Variants in ENAH observed in about 807,000 individuals in gnomAD.
ENAH encodes the protein ENAH actin regulator.
In ENAH, 23 loss-of-function variants were observed where a neutral mutation model predicts 78.7. The observed-to-expected ratio is 0.29, with a 90% CI of 0.21 to 0.41. The LOEUF is 0.41. Among genes scored for constraint, ENAH ranks in the 10% least tolerant of loss-of-function variants. The pLI, the probability that ENAH is intolerant of heterozygous loss-of-function variation, is 1.00. For missense variants in ENAH, 544 were observed against 691.0 expected (o/e 0.79, Z 2.39); for synonymous variants, 226 against 241.0 (o/e 0.94, Z 0.58).
chr1:225,614,038 A>G (rs986318612), intron 1 of ENAH, among the ~76,000 whole-genome samples: 18 of 151,568 alleles, frequency 1.2e-4, no homozygotes, highest in African/African-American at 3.6e-4. Context: ...CACTTTACTT[A>G]TGTTTACCCA....
chr1:225,633,241 G>A (rs1034501752), intron 1 of ENAH, among the ~76,000 whole-genome samples: 2 of 150,514 alleles, frequency 1.3e-5, no homozygotes, highest in Admixed American at 6.6e-5. Context: ...TATTAGAGAC[G>A]GGGTTTCACC....
At chr1:225,596,415 C>T (rs963007312) in intron 1 of ENAH, among the ~76,000 whole-genome samples, 4 of 152,160 alleles carry the variant, frequency 2.6e-5, no homozygotes, top group Admixed American at 6.5e-5. Context: ...TTTCAATGTC[C>T]TGATCTCTTA....
intron 1 of ENAH, among the ~76,000 whole-genome samples, chr1:225,644,497 T>C (rs913567109): frequency 3.3e-5 from 5 of 152,164 alleles, no homozygotes; most frequent in African/African-American, 1.2e-4. Flanking sequence ...AAAGCAGATA[T>C]TCAAATAACC....
At chr1:225,644,078 G>A (rs913587731) in intron 1 of ENAH, among the ~76,000 whole-genome samples, 2 of 150,724 alleles carry the variant, frequency 1.3e-5, no homozygotes, top group East Asian at 1.9e-4. Context: ...ATATGCACAC[G>A]CACAATGATC....
At chr1:225,581,855 ATTT>A (rs35457889) in intron 1 of ENAH, among the ~76,000 whole-genome samples, 4 of 143,412 alleles carry the variant, frequency 2.8e-5, no homozygotes, top group African/African-American at 2.6e-5. Flanking sequence ...CACCCAGCTA[ATTT>A]TTTTTTTTTT....
In ENAH at chr1:225,530,607, T is replaced by C. The variant is rs781006671; in HGVS notation, c.381A>G (p.Leu127=). 1 of 1,613,594 alleles carries C rather than the reference T, an allele frequency of 6.2e-7. No homozygotes were observed. The highest frequency in any genetic ancestry group is 2.2e-5 in the East Asian group (1 of 44,842). The part of the protein sequence containing the change: ...GPTLPRQNSQ[L]PAQVQNGPSQ... ...ATGGGCCATTTTGAACTTGAGCAGG[T>C]AGTTGTGAGTTTTGTCTAGGCAATG... The change falls in exon 4 of 14, where the codon CTA becomes CTG. Residue 127 remains leucine, a synonymous_variant. Transcript: ENST00000366843.
At chr1:225,622,653 T>C (rs1411036308) in intron 1 of ENAH, among the ~76,000 whole-genome samples, 2 of 152,174 alleles carry the variant, frequency 1.3e-5, no homozygotes, top group African/African-American at 4.8e-5. Flanking sequence ...TGTCCTCATA[T>C]GGCAGAAGGG....
chr1:225,564,867 C>T (rs2096727006), intron 2 of ENAH, among the ~76,000 whole-genome samples: 1 of 150,756 alleles, frequency 6.6e-6, no homozygotes, highest in Non-Finnish European at 1.5e-5. Context: ...CCTTTTTTTC[C>T]TACTACATAC....
chr1:225,578,361 C>T (rs1208328255), intron 1 of ENAH, among the ~76,000 whole-genome samples: 1 of 152,086 alleles, frequency 6.6e-6, no homozygotes, highest in Non-Finnish European at 1.5e-5. Context: ...TGTAGTCCCA[C>T]CTACTTGGGA....
intron 3 of ENAH, among the ~76,000 whole-genome samples, chr1:225,547,577 C>T (rs1022728375): frequency 9.2e-5 from 14 of 152,120 alleles, no homozygotes; most frequent in Non-Finnish European, 1.6e-4. Flanking sequence ...CTTTTCAAAC[C>T]ACAGCTAGCT....
intron 1 of ENAH, among the ~76,000 whole-genome samples, chr1:225,614,906 C>A (rs570748234): frequency 2.6e-5 from 4 of 152,210 alleles, no homozygotes; most frequent in Non-Finnish European, 4.4e-5. Flanking sequence ...TCCTCCAACA[C>A]CAATCCTACC....
At chr1:225,600,002 C>T (rs976462581) in intron 1 of ENAH, among the ~76,000 whole-genome samples, 1 of 152,018 alleles carries the variant, frequency 6.6e-6, no homozygotes, top group African/African-American at 2.4e-5. Context: ...TCTTCTCTCT[C>T]CCCATGTGAC....
chr1:225,567,252 A>C lies in ENAH; in HGVS notation c.168T>G (p.His56Gln). The change falls in exon 2 of 14, where the codon CAT becomes CAG. Residue 56 changes from histidine to glutamine, a missense_variant. Transcript: ENST00000366843. ...FRVVGRKIQDHQVVINCAIPK... is the reference protein window; with the variant it reads ...FRVVGRKIQDQQVVINCAIPK... Reference sequence around the variant, plus strand: ...AACAATTGTAGTAAAGCCTTACCTGATGGTCCTGAATCTTCCTGCCCACCA... The same window carrying C: ...AACAATTGTAGTAAAGCCTTACCTGCTGGTCCTGAATCTTCCTGCCCACCA... 2 of 1,613,308 alleles carry C rather than the reference A, an allele frequency of 1.2e-6. No homozygotes were observed. Among genetic ancestry groups the C allele is most frequent in the Non-Finnish European group, 1.7e-6 (2 of 1,179,750 alleles).
At chr1:225,624,720 C>A (rs2148293289) in intron 1 of ENAH, among the ~76,000 whole-genome samples, 1 of 152,236 alleles carries the variant, frequency 6.6e-6, no homozygotes, top group East Asian at 1.9e-4. Context: ...ATCTTAGCTA[C>A]AACCTGTCCT....
In ENAH at chr1:225,512,650, A is replaced by G; in HGVS notation, c.1422+7T>C. 6.2e-7 allele frequency: 1 copy of G among 1,611,512 alleles called. No homozygotes were observed. Among genetic ancestry groups the G allele is most frequent in the Non-Finnish European group, 8.5e-7 (1 of 1,178,476 alleles). ...TAAGGTATGGTAGACTATCTTTATT[A>G]ACTTACACCTTTGTCCTCTTTTTGT... is the stretch of plus-strand genomic sequence containing the variant. On this transcript the variant is annotated splice_region_variant and intron_variant, in intron 9 of 13. Coordinates refer to ENST00000366843, the MANE Select transcript of ENAH (RefSeq NM_018212.6).
At position 225,495,458 on chromosome 1, in the gene ENAH, T is replaced by TTG. The variant is rs1553409471; in HGVS notation, c.*2316_*2317insCA. The stretch of plus-strand genomic sequence containing the variant: ...AAATATAGCATGATTCAACACTGGT[T>TTG]TTTTTTTTTTTTTTTTTTTGTCAGT... On this transcript the variant is annotated 3_prime_UTR_variant, in exon 14 of 14. Coordinates refer to ENST00000366843, the MANE Select transcript of ENAH (RefSeq NM_018212.6). 37 of 130,116 alleles carry TTG rather than the reference T, an allele frequency of 2.8e-4. No homozygotes were observed. In the South Asian group the frequency reaches 7.3e-3, roughly 26 times the overall value. 8.1% of individuals were successfully genotyped at this position (130,116 alleles called of 1,614,324 possible).
At chr1:225,499,500 T>C (rs1260642882) in intron 12 of ENAH, among the ~76,000 whole-genome samples, 1 of 152,068 alleles carries the variant, frequency 6.6e-6, no homozygotes, top group Non-Finnish European at 1.5e-5. Flanking sequence ...GGTGAAACCC[T>C]GTCTCTACAA....
At chr1:225,590,596 C>T (rs1265876373) in intron 1 of ENAH, among the ~76,000 whole-genome samples, 5 of 152,032 alleles carry the variant, frequency 3.3e-5, no homozygotes, top group Non-Finnish European at 7.4e-5. Context: ...TTTTTCTCCC[C>T]CCCATTCCCT....
At chr1:225,500,275 T>C (rs762311842) in intron 12 of ENAH, among the ~76,000 whole-genome samples, 1 of 152,222 alleles carries the variant, frequency 6.6e-6, no homozygotes, top group Non-Finnish European at 1.5e-5. Flanking sequence ...CACAATCTTA[T>C]CACTTACTAC....
Sources: gnomAD v4.1 joint callset for allele counts (sites outside exome capture counted in the v4.1 genomes callset) on GRCh38, gnomAD v4.1.1 for gene constraint, MANE v1.5 for transcripts, NCBI Gene and HGNC (gene_info 2026-07-23, HGNC 2026-07-21) for gene names.